The following DCLK1 variants were observed in gnomAD, a reference collection of about 807,000 sequenced individuals.
DCLK1 encodes serine/threonine-protein kinase DCLK1.
Under a neutral mutation model 86.2 loss-of-function variants are expected in DCLK1, and 16 were observed. The ratio of observed to expected loss-of-function variants is 0.19; its 90% confidence interval spans 0.13 to 0.28. The LOEUF (loss-of-function observed/expected upper bound fraction) is 0.28, where lower values mean the gene tolerates loss of function less well. Ranked by LOEUF, DCLK1 falls within the 10% of genes least tolerant of loss-of-function variation. The probability of loss-of-function intolerance (pLI) is 1.00; values close to 1 mark genes in which losing one functional copy is unlikely to be tolerated. For missense variants in DCLK1, 590 were observed against 940.2 expected, an observed-to-expected ratio of 0.63 and a Z score of 4.87; for synonymous variants, 369 against 370.5, an observed-to-expected ratio of 1.00 and a Z score of 0.05.
At chr13:36,110,731 C>T (rs1332291325) in intron 3 of DCLK1, among the ~76,000 whole-genome samples, 2 of 151,904 alleles carry the variant, frequency 1.3e-5, no homozygotes, top group East Asian at 3.9e-4. Context: ...TTGATAGCAC[C>T]ACATTAAAAA....
At chr13:35,921,871 C>T (rs866474746) in intron 4 of DCLK1, among the ~76,000 whole-genome samples, 17 of 152,144 alleles carry the variant, frequency 1.1e-4, no homozygotes, top group African/African-American at 4.1e-4. Context: ...GTTGCCACCC[C>T]AGGAGCTGGG....
intron 3 of DCLK1, among the ~76,000 whole-genome samples, chr13:36,059,499 T>C (rs1422986391): frequency 6.6e-6 from 1 of 152,146 alleles, no homozygotes; most frequent in Non-Finnish European, 1.5e-5. Flanking sequence ...CCAGAGACTA[T>C]TTTCTCCACT....
intron 3 of DCLK1, among the ~76,000 whole-genome samples, chr13:36,092,598 T>C (rs1303517147): frequency 6.8e-6 from 1 of 147,328 alleles, no homozygotes; most frequent in Non-Finnish European, 1.5e-5. Context: ...GCCATTCTCC[T>C]GCCTCAGCCT....
At chr13:35,796,100 T>A (rs2086805041) in intron 15 of DCLK1, among the ~76,000 whole-genome samples, 1 of 152,164 alleles carries the variant, frequency 6.6e-6, no homozygotes, top group Non-Finnish European at 1.5e-5. Context: ...TGAATATTAG[T>A]ATCATGTCTT....
At chr13:36,130,632 A>G (rs913947073) in intron 1 of DCLK1, among the ~76,000 whole-genome samples, 5 of 152,208 alleles carry the variant, frequency 3.3e-5, no homozygotes, top group African/African-American at 1.2e-4. Context: ...CGCTGCAGCC[A>G]CCACCACGCA....
chr13:36,095,512 T>C (rs879442253), intron 3 of DCLK1, among the ~76,000 whole-genome samples: 2 of 152,164 alleles, frequency 1.3e-5, no homozygotes, highest in Non-Finnish European at 2.9e-5. Context: ...GGCTCTCTCA[T>C]ATCTTTCTGG....
chr13:35,789,809 C>T (rs2086681192), intron 16 of DCLK1, among the ~76,000 whole-genome samples: 1 of 152,108 alleles, frequency 6.6e-6, no homozygotes, highest in Non-Finnish European at 1.5e-5. Flanking sequence ...AAAAGTTCAC[C>T]GTTAAAATGT....
intron 3 of DCLK1, among the ~76,000 whole-genome samples, chr13:35,980,437 G>C (rs1566630817): frequency 6.6e-6 from 1 of 152,158 alleles, no homozygotes; most frequent in Non-Finnish European, 1.5e-5. Flanking sequence ...CTGACAGAGG[G>C]AGACCCTGTG....
At chr13:35,935,050 C>T (rs1367218460) in intron 4 of DCLK1, among the ~76,000 whole-genome samples, 21 of 152,016 alleles carry the variant, frequency 1.4e-4, no homozygotes, top group Admixed American at 1.4e-3. Flanking sequence ...ACTTGAACCT[C>T]AAAGGACAAG....
chr13:35,986,865 A>G (rs1207662768), intron 3 of DCLK1, among the ~76,000 whole-genome samples: 1 of 152,124 alleles, frequency 6.6e-6, no homozygotes, highest in Non-Finnish European at 1.5e-5. Context: ...GAAGCACAGA[A>G]CATGTGGTCA....
At chr13:35,992,081 A>G (rs1010818520) in intron 3 of DCLK1, among the ~76,000 whole-genome samples, 2 of 152,200 alleles carry the variant, frequency 1.3e-5, no homozygotes, top group Non-Finnish European at 2.9e-5. Context: ...CTAACTGATA[A>G]TTAATGAACA....
intron 4 of DCLK1, among the ~76,000 whole-genome samples, chr13:35,902,699 G>C (rs2153122736): frequency 6.6e-6 from 1 of 152,264 alleles, no homozygotes; most frequent in African/African-American, 2.4e-5. Context: ...TCTTAAGGCG[G>C]TGGGGGGTGC....
Position 36,043,683 on chromosome 13 carries a change from T to A in DCLK1, c.723+68186A>T, listed in dbSNP as rs946010042. ...TAAAAATAGGTAATATAGAAGTAAA[T>A]ATGAGGGAGAATAGCATCAGATTTT... On this transcript the variant is annotated intron_variant, in intron 3 of 16. Transcript: ENST00000360631. 5.9e-5 allele frequency among the ~76,000 whole-genome samples: 9 copies of A among 151,926 alleles called. 1 individual carries two copies. The highest frequency in any genetic ancestry group is 5.9e-4 in the Admixed American group (9 of 15,252).
chr13:35,789,154 C>CCATTCTGCCCA (rs1362123067), intron 16 of DCLK1, among the ~76,000 whole-genome samples: 1 of 152,144 alleles, frequency 6.6e-6, no homozygotes, highest in African/African-American at 2.4e-5. Context: ...ACCCGCTTCC[C>CCATTCTGCCCA]CATTCTGCCC....
At chr13:35,777,268 G>T (rs1263415761) in intron 16 of DCLK1, among the ~76,000 whole-genome samples, 1 of 152,170 alleles carries the variant, frequency 6.6e-6, no homozygotes, top group Non-Finnish European at 1.5e-5. Context: ...TATTGGATTT[G>T]CAGACTCTTA....
intron 6 of DCLK1, 102 bp from the exon 7 acceptor site, chr13:35,839,278 G>T: frequency 2.0e-6 from 2 of 982,576 alleles, no homozygotes; most frequent in Non-Finnish European, 1.5e-6. Flanking sequence ...CTTTGCCCAT[G>T]CTAGGGAGGA....
At chr13:35,933,380 A>G (rs1876565841) in intron 4 of DCLK1, among the ~76,000 whole-genome samples, 5 of 152,234 alleles carry the variant, frequency 3.3e-5, no homozygotes, top group Admixed American at 3.3e-4. Context: ...GCAGTGCCAC[A>G]GTAAGGACTC....
rs1459279844 is a variant in DCLK1, at chr13:35,770,388, G to C, written c.*4147C>G. ...GTCAAAAAATGTTAATTTTGGAAGT[G>C]CTTTTAATCACTATTTTCCCCAACA... On this transcript the variant is annotated 3_prime_UTR_variant, in exon 17 of 17. Transcript: ENST00000360631. The C allele has an allele frequency of 3.9e-5, 6 of 152,272 alleles. No homozygotes were observed. Among genetic ancestry groups the C allele is most frequent in the African/African-American group, 1.4e-4 (6 of 41,546 alleles). The allele number at this position is 152,272 out of a possible 1,614,324, so 9.4% of individuals were successfully genotyped here. A position where few individuals can be genotyped will look rare whatever the true frequency, so the allele number is the denominator to read the frequency against.
chr13:36,005,082 C>A (rs1370202940), intron 3 of DCLK1, among the ~76,000 whole-genome samples: 1 of 152,088 alleles, frequency 6.6e-6, no homozygotes. Flanking sequence ...TCAAATGCCA[C>A]TGTATATGAT....
Sources: allele counts gnomAD v4.1 joint callset (sites outside exome capture counted in the v4.1 genomes callset), GRCh38; gene constraint gnomAD v4.1.1; transcripts MANE v1.5; gene names NCBI Gene and HGNC (gene_info 2026-07-23, HGNC 2026-07-21).